Variants in HCN1 observed in about 807,000 individuals in gnomAD.
The protein encoded by HCN1 is hyperpolarization activated cyclic nucleotide gated potassium channel 1, also known as potassium/sodium hyperpolarization-activated cyclic nucleotide-gated channel 1.
In HCN1, 13 loss-of-function variants were observed where a neutral mutation model predicts 78.9. That is an observed-to-expected ratio of 0.16 (90% CI 0.11 to 0.26). The LOEUF is 0.26. Among genes scored for constraint, HCN1 ranks in the 10% least tolerant of loss-of-function variants. The probability of loss-of-function intolerance (pLI) is 1.00; values close to 1 mark genes in which losing one functional copy is unlikely to be tolerated. For synonymous variants in HCN1, 552 were observed against 455.5 expected (o/e 1.21, Z -2.70); for missense variants, 810 against 1,154.3 (o/e 0.70, Z 4.32).
Position 45,428,690 on chromosome 5 carries a change from T to G in HCN1, c.1012-31980A>C, listed in dbSNP as rs193218312. ...TTCATTTATTATTAAATTAATGCAT[T>G]GTTATCACCCTGCAGCATTTGGAAA... On this transcript the variant is annotated intron_variant, in intron 3 of 7. Coordinates refer to ENST00000303230, the MANE Select transcript of HCN1 (RefSeq NM_021072.4). Among the ~76,000 whole-genome samples the G allele has an allele frequency of 1.7e-3, 266 of 152,238 alleles. 1 individual carries two copies. Among genetic ancestry groups the G allele is most frequent in the African/African-American group, 6.2e-3 (257 of 41,574 alleles).
intron 2 of HCN1, chr5:45,576,467 A>G (rs1743950432): frequency 6.6e-6 from 1 of 152,062 alleles, no homozygotes; most frequent in South Asian, 2.1e-4. Flanking sequence ...GAGTAAATTG[A>G]TGTGGCCAAC....
chr5:45,286,940 T>A lies in HCN1; in HGVS notation c.1618+16659A>T, dbSNP rs116244901. ...TTTGCTGAACTGTTCTGACTGACAATTTTATTCTTCCCATGTAAGTAAATT... is the reference window on the plus strand; with the variant it reads ...TTTGCTGAACTGTTCTGACTGACAAATTTATTCTTCCCATGTAAGTAAATT... On this transcript the variant is annotated intron_variant, in intron 6 of 7. Coordinates refer to ENST00000303230, the MANE Select transcript of HCN1 (RefSeq NM_021072.4). Among the ~76,000 whole-genome samples, 403 of 152,144 alleles carry A rather than the reference T, an allele frequency of 2.6e-3. 1 individual carries two copies. Among genetic ancestry groups the A allele is most frequent in the African/African-American group, 9.3e-3 (385 of 41,524 alleles).
intron 5 of HCN1, among the ~76,000 whole-genome samples, chr5:45,352,051 A>C (rs977459873): frequency 4.3e-4 from 65 of 152,202 alleles, no homozygotes; most frequent in African/African-American, 1.5e-3. Flanking sequence ...ACTATAAATC[A>C]TGCTGCCATA....
intron 5 of HCN1, among the ~76,000 whole-genome samples, chr5:45,320,635 A>G (rs1318426501): frequency 6.6e-6 from 1 of 151,690 alleles, no homozygotes; most frequent in Non-Finnish European, 1.5e-5. Flanking sequence ...ATTTTGATGG[A>G]TTCTGAGAAG....
At chr5:45,381,926 G>A (rs563081875) in intron 4 of HCN1, among the ~76,000 whole-genome samples, 2 of 152,246 alleles carry the variant, frequency 1.3e-5, no homozygotes, top group African/African-American at 4.8e-5. Context: ...AATCAGACAA[G>A]GAGATGCCTC....
In HCN1 at chr5:45,267,257, T is replaced by C. The variant is rs752222441; in HGVS notation, c.1619-4A>G. 1 of 1,613,610 alleles carries C rather than the reference T, an allele frequency of 6.2e-7. No individual in the cohort carries two copies. The highest frequency in any genetic ancestry group is 2.2e-5 in the East Asian group (1 of 44,856). On this transcript the variant is annotated splice_polypyrimidine_tract_variant and splice_region_variant and intron_variant, in intron 6 of 7. Transcript: ENST00000303230. ...CCTTTGGTCAGCAGGCAAATCTCTA[T>C]AAAAACAAACAACAAAGAAGAATGA...
chr5:45,583,518 T>C (rs1744133617), intron 2 of HCN1, among the ~76,000 whole-genome samples: 1 of 152,222 alleles, frequency 6.6e-6, no homozygotes, highest in South Asian at 2.1e-4. Context: ...TTTGTGTCTC[T>C]ATTTTCTTCA....
At chr5:45,305,492 AC>A (rs1367461586) in intron 5 of HCN1, among the ~76,000 whole-genome samples, 2 of 152,166 alleles carry the variant, frequency 1.3e-5, no homozygotes, top group Non-Finnish European at 2.9e-5. Context: ...TACATGTGGT[AC>A]TTGGTGCATC....
chr5:45,267,104 G>T lies in HCN1; in HGVS notation c.1768C>A (p.Arg590=), dbSNP rs1744874434. ...ACTAGAGTACCTATTCGATCTAGTC[G>T]GTCAATGGCAACTGTCTCAAAGGCT... The part of the protein sequence containing the change: ...RRAFETVAID[R]LDRIGKKNSI... The change falls in exon 7 of 8, where the codon CGA becomes AGA. Residue 590 remains arginine, a synonymous_variant. Transcript: ENST00000303230. The T allele has an allele frequency of 1.2e-6, 2 of 1,612,936 alleles. No homozygotes were observed. The highest frequency in any genetic ancestry group is 1.7e-6 in the Non-Finnish European group (2 of 1,179,002).
At chr5:45,482,515 A>G (rs1236546829) in intron 2 of HCN1, among the ~76,000 whole-genome samples, 1 of 152,222 alleles carries the variant, frequency 6.6e-6, no homozygotes, top group African/African-American at 2.4e-5. Flanking sequence ...CTGGGGGACT[A>G]TCAATAAATG....
chr5:45,369,035 A>C (rs947383789), intron 4 of HCN1, among the ~76,000 whole-genome samples: 1 of 150,150 alleles, frequency 6.7e-6, no homozygotes, highest in African/African-American at 2.4e-5. Flanking sequence ...TTTTGTTGTC[A>C]CTCTTATTTT....
intron 4 of HCN1, among the ~76,000 whole-genome samples, chr5:45,363,579 G>A (rs1747168262): frequency 6.6e-6 from 1 of 151,760 alleles, no homozygotes; most frequent in Non-Finnish European, 1.5e-5. Flanking sequence ...CTTTTTCATG[G>A]TGATATGGTT....
In HCN1 at chr5:45,577,935, T is replaced by C. The variant is rs138368082; in HGVS notation, c.849+67250A>G. 4.3e-4 allele frequency among the ~76,000 whole-genome samples: 65 copies of C among 152,192 alleles called. No individual in the cohort carries two copies. The East Asian group carries it at 0.012, about 29-fold the overall frequency. On this transcript the variant is annotated intron_variant, in intron 2 of 7. Coordinates refer to ENST00000303230, the MANE Select transcript of HCN1 (RefSeq NM_021072.4). ...AACCAGAGAGTAGGGTGGTTGGAAG[T>C]AGTGTCACTATTCTTTTGTATGCCA... is the stretch of plus-strand genomic sequence containing the variant.
At chr5:45,489,523 C>A (rs1741837037) in intron 2 of HCN1, among the ~76,000 whole-genome samples, 1 of 152,132 alleles carries the variant, frequency 6.6e-6, no homozygotes, top group Non-Finnish European at 1.5e-5. Context: ...AAATTCCATG[C>A]ATCTCCCACA....
chr5:45,399,602 T>C (rs1739754484), intron 3 of HCN1, among the ~76,000 whole-genome samples: 1 of 152,178 alleles, frequency 6.6e-6, no homozygotes. Flanking sequence ...TATGGGTAGT[T>C]TTGTTTGTTG....
intron 5 of HCN1, among the ~76,000 whole-genome samples, chr5:45,313,000 A>G (rs1376498461): frequency 1.3e-5 from 2 of 152,206 alleles, no homozygotes; most frequent in Non-Finnish European, 2.9e-5. Flanking sequence ...TCCCTGTCTG[A>G]CAGCTTTGAA....
chr5:45,521,601 G>T (rs1039842526), intron 2 of HCN1, among the ~76,000 whole-genome samples: 1 of 151,820 alleles, frequency 6.6e-6, no homozygotes, highest in African/African-American at 2.4e-5. Flanking sequence ...AGTCATGCTG[G>T]ATTAGAACCC....
chr5:45,622,238 C>G (rs1057424290), intron 2 of HCN1, among the ~76,000 whole-genome samples: 3 of 151,460 alleles, frequency 2.0e-5, no homozygotes, highest in Non-Finnish European at 2.9e-5. Flanking sequence ...TTAAATGGAT[C>G]TAAACTTTCT....
intron 5 of HCN1, among the ~76,000 whole-genome samples, chr5:45,326,117 G>A (rs1466349296): frequency 1.3e-5 from 2 of 151,118 alleles, no homozygotes; most frequent in Non-Finnish European, 3.0e-5. Context: ...AAAACAAAAG[G>A]ACCACGCATT....
Sources: gnomAD v4.1 joint callset for allele counts (sites outside exome capture counted in the v4.1 genomes callset) on GRCh38, gnomAD v4.1.1 for gene constraint, MANE v1.5 for transcripts, NCBI Gene and HGNC (gene_info 2026-07-23, HGNC 2026-07-21) for gene names.